BCHE: variants seen among roughly 807,000 people sequenced by gnomAD.
BCHE encodes butyrylcholinesterase.
In BCHE, 48 loss-of-function variants were observed where a neutral mutation model predicts 51.3. The ratio of observed to expected loss-of-function variants is 0.94; its 90% confidence interval spans 0.74 to 1.19. The LOEUF is 1.19. Ranked by LOEUF, BCHE falls within the 50% of genes most tolerant of loss-of-function variation. The pLI is 0.00. For missense variants in BCHE, 847 were observed against 708.2 expected (o/e 1.20, Z -2.23); for synonymous variants, 251 against 238.0 (o/e 1.05, Z -0.50).
chr3:165,833,045 T>A (rs1343359037), intron 1 of BCHE, among the ~76,000 whole-genome samples: 1 of 152,128 alleles, frequency 6.6e-6, no homozygotes, highest in Non-Finnish European at 1.5e-5. Context: ...AATATTCATA[T>A]GTATATGCAT....
chr3:165,820,622 A>G (rs1714480963), intron 2 of BCHE, among the ~76,000 whole-genome samples: 1 of 152,052 alleles, frequency 6.6e-6, no homozygotes, highest in African/African-American at 2.4e-5. Flanking sequence ...ATAATTGTAG[A>G]ATCAGAGGGT....
intron 2 of BCHE, among the ~76,000 whole-genome samples, chr3:165,821,465 G>GA (rs1714514323): frequency 6.7e-6 from 1 of 150,264 alleles, no homozygotes. Flanking sequence ...AGCGCACCAA[G>GA]AAAATATACC....
At chr3:165,807,718 C>T (rs1390018631) in intron 2 of BCHE, among the ~76,000 whole-genome samples, 1 of 151,400 alleles carries the variant, frequency 6.6e-6, no homozygotes, top group African/African-American at 2.4e-5. Flanking sequence ...CCACACTTGG[C>T]AATTTTTTTT....
intron 2 of BCHE, among the ~76,000 whole-genome samples, chr3:165,792,973 G>T (rs918619529): frequency 1.3e-5 from 2 of 152,016 alleles, no homozygotes; most frequent in Admixed American, 6.6e-5. Context: ...CATTCTGGAG[G>T]TTGTCCCTTT....
At chr3:165,789,852 G>A (rs754320362) in intron 2 of BCHE, among the ~76,000 whole-genome samples, 1 of 152,086 alleles carries the variant, frequency 6.6e-6, no homozygotes, top group Non-Finnish European at 1.5e-5. Context: ...TATTTATAAA[G>A]TGTGTACTAG....
chr3:165,793,307 C>T (rs1313769755), intron 2 of BCHE, among the ~76,000 whole-genome samples: 1 of 152,222 alleles, frequency 6.6e-6, no homozygotes, highest in Non-Finnish European at 1.5e-5. Flanking sequence ...TTCCCCAAAG[C>T]ATAGCTCCTT....
At chr3:165,824,651 A>T (rs1270392260) in intron 2 of BCHE, among the ~76,000 whole-genome samples, 1 of 152,060 alleles carries the variant, frequency 6.6e-6, no homozygotes, top group East Asian at 1.9e-4. Flanking sequence ...CCAAATTAAA[A>T]AATTGATAAA....
intron 2 of BCHE, among the ~76,000 whole-genome samples, chr3:165,802,678 T>C (rs2108215190): frequency 6.6e-6 from 1 of 152,218 alleles, no homozygotes; most frequent in East Asian, 1.9e-4. Flanking sequence ...AGATATACAT[T>C]CATGAGCATT....
intron 3 of BCHE, among the ~76,000 whole-genome samples, chr3:165,782,546 T>C (rs2108199605): frequency 6.6e-6 from 1 of 152,284 alleles, no homozygotes; most frequent in African/African-American, 2.4e-5. Context: ...GTTTTTTGTG[T>C]GTGGTTGTTG....
intron 2 of BCHE, among the ~76,000 whole-genome samples, chr3:165,815,959 G>A (rs116364923): frequency 3.4e-4 from 52 of 151,878 alleles, no homozygotes; most frequent in African/African-American, 1.3e-3. Flanking sequence ...TCTATTGTAA[G>A]GTTACTTGCC....
chr3:165,781,794 C>T (rs780789922), intron 3 of BCHE, among the ~76,000 whole-genome samples: 197 of 151,926 alleles, frequency 1.3e-3, no homozygotes, highest in Admixed American at 5.2e-3. Flanking sequence ...GACCAAATGG[C>T]TCAATATACA....
rs962986442 is a variant in BCHE, at chr3:165,773,574, C to T, written c.1685-68G>A. On this transcript the variant is annotated intron_variant, in intron 3 of 3. Coordinates refer to ENST00000264381, the MANE Select transcript of BCHE (RefSeq NM_000055.4). Reference sequence around the variant, plus strand: ...TGTTTCATTAACTGAAAAATAATTTCGAATACAAAAGCCATTTTCTCTAAC... The same window carrying T: ...TGTTTCATTAACTGAAAAATAATTTTGAATACAAAAGCCATTTTCTCTAAC... 41 of 1,430,932 alleles carry T rather than the reference C, an allele frequency of 2.9e-5. 1 individual carries two copies. Among genetic ancestry groups the T allele is most frequent in the South Asian group, 1.9e-4 (16 of 83,636 alleles). The allele number at this position is 1,430,932 out of a possible 1,614,324, so 88.6% of individuals were successfully genotyped here.
In BCHE at chr3:165,829,417, T is replaced by C. The variant is rs1714858361; in HGVS notation, c.1517+100A>G. 3.8e-6 allele frequency: 4 copies of C among 1,063,740 alleles called. No homozygotes were observed. The Admixed American group carries it at 7.3e-5, about 19-fold the overall frequency. 65.9% of individuals were successfully genotyped at this position (1,063,740 alleles called of 1,614,324 possible). A position where few individuals can be genotyped will look rare whatever the true frequency, so the allele number is the denominator to read the frequency against. ...ACAAATAGAACAAATAATTAAAACA[T>C]TTCTGTGTCTTTATACTAAAGTCTA... On this transcript the variant is annotated intron_variant, in intron 2 of 3. Coordinates refer to ENST00000264381, the MANE Select transcript of BCHE (RefSeq NM_000055.4).
At chr3:165,797,110 T>TCCTTCTTTCTTTCCCTC (rs1713411166) in intron 2 of BCHE, among the ~76,000 whole-genome samples, 1 of 149,920 alleles carries the variant, frequency 6.7e-6, no homozygotes, top group African/African-American at 2.5e-5. Context: ...TTCTTTCCCT[T>TCCTTCTTTCTTTCCCTC]CCTTCCTTCT....
intron 2 of BCHE, among the ~76,000 whole-genome samples, chr3:165,801,605 G>GATA (rs570096670): frequency 1.8e-3 from 280 of 152,194 alleles, no homozygotes; most frequent in African/African-American, 6.6e-3. Context: ...AGTATTTTTG[G>GATA]ATGTTTACTT....
chr3:165,806,683 C>A (rs1301924829), intron 2 of BCHE, among the ~76,000 whole-genome samples: 2 of 151,756 alleles, frequency 1.3e-5, no homozygotes, highest in Non-Finnish European at 2.9e-5. Context: ...TGGATAAAAC[C>A]AAAAGGGATT....
At chr3:165,783,256 G>A (rs1004448978) in intron 3 of BCHE, among the ~76,000 whole-genome samples, 3 of 151,960 alleles carry the variant, frequency 2.0e-5, no homozygotes, top group African/African-American at 7.3e-5. Flanking sequence ...TAATTGTTCT[G>A]TCGTAATTTT....
intron 3 of BCHE, chr3:165,778,382 G>A (rs1269768193): frequency 6.0e-6 from 1 of 167,746 alleles, no homozygotes; most frequent in Admixed American, 5.8e-5. Flanking sequence ...TAGACTCTAA[G>A]AAGACAAAGG....
At chr3:165,837,122 G>T (rs910522500) in intron 1 of BCHE, among the ~76,000 whole-genome samples, 192 bp downstream of exon 1, 1 of 152,114 alleles carries the variant, frequency 6.6e-6, no homozygotes, top group Non-Finnish European at 1.5e-5. Context: ...TGCGTTCCCT[G>T]AATAATAGGA....
Sources: gnomAD v4.1 joint callset for allele counts (sites outside exome capture counted in the v4.1 genomes callset) on GRCh38, gnomAD v4.1.1 for gene constraint, MANE v1.5 for transcripts, NCBI Gene and HGNC (gene_info 2026-07-23, HGNC 2026-07-21) for gene names.